PRKCA: variants seen among roughly 807,000 people sequenced by gnomAD.
The protein encoded by PRKCA is protein kinase C alpha, also known as protein kinase C alpha type.
PRKCA carries 27 observed loss-of-function variants against 87.0 expected under a neutral mutation model. The ratio of observed to expected loss-of-function variants is 0.31; its 90% CI spans 0.23 to 0.43. The LOEUF is 0.43. PRKCA is among the 20% of genes least tolerant of loss of function. The probability of loss-of-function intolerance (pLI) is 1.00; values close to 1 mark genes in which losing one functional copy is unlikely to be tolerated. For missense variants in PRKCA, 518 were observed against 852.3 expected (o/e 0.61, Z 4.88); for synonymous variants, 329 against 311.1 (o/e 1.06, Z -0.61).
At chr17:66,388,452 A>G (rs1910187402) in intron 2 of PRKCA, among the ~76,000 whole-genome samples, 1 of 152,072 alleles carries the variant, frequency 6.6e-6, no homozygotes, top group African/African-American at 2.4e-5. Context: ...GCACCACCAC[A>G]TCTGGCTGAT....
At position 66,774,061 on chromosome 17, in the gene PRKCA, C is replaced by G. The variant is rs372716782; in HGVS notation, c.1599C>G (p.Ala533=). The G allele has an allele frequency of 4.3e-6, 7 of 1,613,842 alleles. No homozygotes were observed. In the African/African-American group the frequency reaches 8.0e-5, roughly 18 times the overall value. Residue 533 remains alanine, a synonymous_variant, in exon 14 of 17, where the codon GCC becomes GCG. Coordinates refer to ENST00000413366, the MANE Select transcript of PRKCA (RefSeq NM_002737.3). Reference sequence around the variant, plus strand: ...GCGTCCTGTTGTATGAAATGCTTGCCGGGCAGGTAATGTTTTGCTACATTT... The same window carrying G: ...GCGTCCTGTTGTATGAAATGCTTGCGGGGCAGGTAATGTTTTGCTACATTT... The part of the protein sequence containing the change: ...AYGVLLYEML[A]GQPPFDGEDE...
chr17:66,506,363 A>T (rs915026764), intron 3 of PRKCA, among the ~76,000 whole-genome samples: 9 of 151,050 alleles, frequency 6.0e-5, no homozygotes, highest in Non-Finnish European at 1.0e-4. Context: ...TTCTTAAATT[A>T]AAAAAAAAGG....
chr17:66,356,450 A>G (rs1908059191), intron 2 of PRKCA, among the ~76,000 whole-genome samples: 2 of 152,082 alleles, frequency 1.3e-5, no homozygotes, highest in Admixed American at 1.3e-4. Context: ...CCTAGCTAAC[A>G]TGGTGAAACC....
chr17:66,633,203 G>C (rs1422279837), intron 3 of PRKCA, among the ~76,000 whole-genome samples: 3 of 151,962 alleles, frequency 2.0e-5, no homozygotes, highest in African/African-American at 7.3e-5. Flanking sequence ...TAATTACAGT[G>C]GTCCCCAAGT....
At chr17:66,503,447 TA>T (rs1916837936) in intron 3 of PRKCA, among the ~76,000 whole-genome samples, 1 of 152,156 alleles carries the variant, frequency 6.6e-6, no homozygotes, top group Admixed American at 6.5e-5. Context: ...ATTAACTTGT[TA>T]AAAGATAGGG....
chr17:66,446,690 G>T (rs946445340), intron 2 of PRKCA, among the ~76,000 whole-genome samples: 1 of 152,162 alleles, frequency 6.6e-6, no homozygotes, highest in Non-Finnish European at 1.5e-5. Flanking sequence ...AGGCAGCACT[G>T]CCCTGTTCAG....
chr17:66,303,235 C>A (rs1239180704), intron 1 of PRKCA, among the ~76,000 whole-genome samples: 1 of 152,094 alleles, frequency 6.6e-6, no homozygotes, highest in Admixed American at 6.5e-5. Flanking sequence ...ACACACACCC[C>A]CTGGCGCGAG....
intron 2 of PRKCA, among the ~76,000 whole-genome samples, chr17:66,306,882 C>T (rs1302031016): frequency 1.3e-5 from 2 of 152,130 alleles, no homozygotes; most frequent in Admixed American, 1.3e-4. Context: ...TTCTGGCTCT[C>T]CTGCTCATTG....
intron 3 of PRKCA, among the ~76,000 whole-genome samples, chr17:66,511,793 G>T (rs9891933): frequency 6.6e-6 from 1 of 151,438 alleles, no homozygotes; most frequent in Non-Finnish European, 1.5e-5. Flanking sequence ...AAATTCTCCT[G>T]CCTCAGCCTC....
chr17:66,312,637 AGAT>A (rs1905136266), intron 2 of PRKCA, among the ~76,000 whole-genome samples: 1 of 151,858 alleles, frequency 6.6e-6, no homozygotes, highest in South Asian at 2.1e-4. Flanking sequence ...CCGTTTGCCC[AGAT>A]GATATCTGTT....
chr17:66,415,041 G>T (rs1912054074), intron 2 of PRKCA: 1 of 149,098 alleles, frequency 6.7e-6, no homozygotes, highest in African/African-American at 2.5e-5. Flanking sequence ...AGAATGAGTA[G>T]TTTTTTTTTT....
At chr17:66,365,247 G>A (rs1329434645) in intron 2 of PRKCA, among the ~76,000 whole-genome samples, 1 of 152,136 alleles carries the variant, frequency 6.6e-6, no homozygotes. Context: ...TGGATTTCTG[G>A]CATCTATTGA....
chr17:66,770,764 G>T (rs1385748811), intron 13 of PRKCA, among the ~76,000 whole-genome samples: 2 of 152,184 alleles, frequency 1.3e-5, no homozygotes, highest in Non-Finnish European at 2.9e-5. Context: ...GATCTGGGAA[G>T]TAGTGGATGT....
At chr17:66,435,466 G>A (rs986139545) in intron 2 of PRKCA, among the ~76,000 whole-genome samples, 1 of 152,100 alleles carries the variant, frequency 6.6e-6, no homozygotes, top group Non-Finnish European at 1.5e-5. Context: ...ATTGGCAATC[G>A]CGAGACGCAC....
At chr17:66,649,334 A>G (rs992951245) in intron 5 of PRKCA, among the ~76,000 whole-genome samples, 3 of 152,204 alleles carry the variant, frequency 2.0e-5, no homozygotes, top group Non-Finnish European at 2.9e-5. Flanking sequence ...GTTTGTCTTG[A>G]GAAATGTTTT....
At chr17:66,563,977 TC>T (rs1285157903) in intron 3 of PRKCA, among the ~76,000 whole-genome samples, 6 of 143,060 alleles carry the variant, frequency 4.2e-5, no homozygotes, top group African/African-American at 7.9e-5. Context: ...CTTCCTTCCT[TC>T]CTTCCTTCCT....
At chr17:66,756,506 AGT>A (rs1406940570) in intron 13 of PRKCA, among the ~76,000 whole-genome samples, 1 of 152,054 alleles carries the variant, frequency 6.6e-6, no homozygotes, top group Non-Finnish European at 1.5e-5. Context: ...CCTTTCACCC[AGT>A]GTGCCATGTC....
intron 3 of PRKCA, among the ~76,000 whole-genome samples, chr17:66,621,232 G>C (rs899514376): frequency 6.6e-6 from 1 of 152,148 alleles, no homozygotes; most frequent in Non-Finnish European, 1.5e-5. Flanking sequence ...CAACAGAAAG[G>C]CTAGGTGTTT....
At chr17:66,586,053 A>C (rs9646423) in intron 3 of PRKCA, among the ~76,000 whole-genome samples, 1 of 152,116 alleles carries the variant, frequency 6.6e-6, no homozygotes, top group Non-Finnish European at 1.5e-5. Flanking sequence ...ATGGTTTAAC[A>C]TATTCAATAA....
Sources: allele counts gnomAD v4.1 joint callset (sites outside exome capture counted in the v4.1 genomes callset), GRCh38; gene constraint gnomAD v4.1.1; transcripts MANE v1.5; gene names NCBI Gene and HGNC (gene_info 2026-07-23, HGNC 2026-07-21).